Variants in MYH10 observed in about 807,000 individuals in gnomAD.
MYH10 encodes the protein myosin-10.
Under a neutral mutation model 257.8 loss-of-function variants are expected in MYH10, and 55 were observed. The observed-to-expected ratio is 0.21, with a 90% CI of 0.17 to 0.27. The LOEUF is 0.27. Among genes scored for constraint, MYH10 ranks in the 10% least tolerant of loss-of-function variants. The pLI is 1.00. For synonymous variants in MYH10, 854 were observed against 921.7 expected, an observed-to-expected ratio of 0.93 and a Z score of 1.33; for missense variants, 1,631 against 2,500.6, an observed-to-expected ratio of 0.65 and a Z score of 7.42.
At position 8,474,603 on chromosome 17, in the gene MYH10, A is replaced by G. The variant is rs1912202848; in HGVS notation, c.*1201T>C. 6.6e-6 allele frequency: 1 copy of G among 152,664 alleles called. No individual in the cohort carries two copies. The highest frequency in any genetic ancestry group is 2.4e-5 in the African/African-American group (1 of 41,466). 9.5% of individuals were successfully genotyped at this position (152,664 alleles called of 1,614,324 possible). On this transcript the variant is annotated 3_prime_UTR_variant, in exon 43 of 43. Transcript: ENST00000360416. Reference sequence around the variant, plus strand: ...AGGTACATGATATGAAGCACAGTCAAAACTGAATACATTAAATTGTTATAG... The same window carrying G: ...AGGTACATGATATGAAGCACAGTCAGAACTGAATACATTAAATTGTTATAG...
chr17:8,605,978 ATTT>A (rs899197441), intron 2 of MYH10, among the ~76,000 whole-genome samples: 3 of 151,522 alleles, frequency 2.0e-5, no homozygotes, highest in African/African-American at 7.3e-5. Flanking sequence ...AAATACAGGG[ATTT>A]TTTTTTCTTA....
Position 8,499,302 on chromosome 17 carries a change from C to T in MYH10, c.3919G>A (p.Val1307Met), listed in dbSNP as rs1917157686. Residue 1307 changes from valine (V) to methionine (M), a missense_variant, in exon 30 of 43, where the codon GTG becomes ATG. Around this residue, in one of 11 missense-constraint regions of MYH10, gnomAD observed 463 missense variants for 621.8 expected, o/e 0.74. Coordinates refer to ENST00000360416, the MANE Select transcript of MYH10 (RefSeq NM_001256012.3). ...AKVSEGDRLR[V>M]ELAEKASKLQ... is the part of the protein sequence containing the mutation. ...TTACTTGCTTTCTCCGCCAGCTCCA[C>T]CCTGAGCCTGTCGCCTTCAGAGACC... 2 of 1,614,002 alleles carry T rather than the reference C, an allele frequency of 1.2e-6. No homozygotes were observed. The highest frequency in any genetic ancestry group is 1.7e-5 in the Admixed American group (1 of 59,998).
At chr17:8,561,759 C>T (rs1430898877) in intron 7 of MYH10, among the ~76,000 whole-genome samples, 1 of 152,210 alleles carries the variant, frequency 6.6e-6, no homozygotes, top group East Asian at 1.9e-4. Context: ...CACCAACATG[C>T]AACACTCTAT....
At chr17:8,611,417 T>C (rs938563350) in intron 2 of MYH10, among the ~76,000 whole-genome samples, 6 of 152,208 alleles carry the variant, frequency 3.9e-5, no homozygotes, top group African/African-American at 1.4e-4. Flanking sequence ...TCCAAGATAA[T>C]ATCTGGAACC....
At position 8,595,185 on chromosome 17, in the gene MYH10, C is replaced by T. The variant is rs146008739; in HGVS notation, c.503-6077G>A. Reference sequence around the variant, plus strand: ...AGTGTGGATGACTATAGGACATTCTCGAAACGGCAGCACTAGTGTTTATTC... The same window carrying T: ...AGTGTGGATGACTATAGGACATTCTTGAAACGGCAGCACTAGTGTTTATTC... On this transcript the variant is annotated intron_variant, in intron 3 of 42. Transcript: ENST00000360416. Among the ~76,000 whole-genome samples the T allele has an allele frequency of 1.6e-3, 250 of 152,248 alleles. 1 individual carries two copies. The highest frequency in any genetic ancestry group is 6.8e-3 in the Middle Eastern group (2 of 294).
chr17:8,503,415 C>T (rs573565541), intron 28 of MYH10, among the ~76,000 whole-genome samples: 11 of 152,320 alleles, frequency 7.2e-5, no homozygotes, highest in African/African-American at 1.9e-4. Context: ...AACCTCTGTC[C>T]GGCTGCCATA....
At chr17:8,498,051 G>A (rs531717352) in intron 30 of MYH10, among the ~76,000 whole-genome samples, 7 of 128,234 alleles carry the variant, frequency 5.5e-5, no homozygotes, top group African/African-American at 1.2e-4. Flanking sequence ...GCGTGATCTC[G>A]GCTCACTGCA....
intron 30 of MYH10, among the ~76,000 whole-genome samples, chr17:8,495,835 G>C (rs990512556): frequency 6.6e-6 from 1 of 151,614 alleles, no homozygotes; most frequent in African/African-American, 2.4e-5. Flanking sequence ...TCAGCCTCCC[G>C]AGTGGCTGGG....
At chr17:8,561,395 C>A in intron 7 of MYH10, 1 of 1,067,500 alleles carries the variant, frequency 9.4e-7, no homozygotes, top group Non-Finnish European at 1.4e-6. Flanking sequence ...CATTCTGAAG[C>A]AAGTGTCTTC....
In MYH10 at chr17:8,552,945, G is replaced by C. The variant is rs2082684543; in HGVS notation, c.821-801C>G. On this transcript the variant is annotated intron_variant, in intron 8 of 42. Transcript: ENST00000360416. The surrounding 1 kb of genome is among the most constrained non-coding windows in gnomAD (Gnocchi z 4.8). ...TCTGGGGCTCAGATCCACAGTTCTT[G>C]ATGCTCCCGGAGTTCCTATGGGTTG... Among the ~76,000 whole-genome samples, 1 of 152,202 alleles carries C rather than the reference G, an allele frequency of 6.6e-6. No individual in the cohort carries two copies.
chr17:8,594,859 T>C (rs1027122474), intron 3 of MYH10, among the ~76,000 whole-genome samples: 6 of 152,208 alleles, frequency 3.9e-5, no homozygotes, highest in African/African-American at 1.4e-4. Flanking sequence ...GTTTAGGGAA[T>C]AATGAAAAGA....
intron 17 of MYH10, among the ~76,000 whole-genome samples, chr17:8,527,655 G>A (rs1024079027): frequency 6.6e-6 from 1 of 152,182 alleles, no homozygotes; most frequent in East Asian, 1.9e-4. Context: ...TGCAGCCACG[G>A]CAATGGCAAC....
In MYH10 at chr17:8,488,640, G is replaced by A. The variant is rs528024897; in HGVS notation, c.4885-1046C>T. Among the ~76,000 whole-genome samples the A allele has an allele frequency of 4.9e-4, 75 of 152,296 alleles. 1 individual carries two copies. The South Asian group carries it at 0.015, about 31-fold the overall frequency. On this transcript the variant is annotated intron_variant, in intron 35 of 42. Coordinates refer to ENST00000360416, the MANE Select transcript of MYH10 (RefSeq NM_001256012.3). ...GAGGATGATGGCTGGTGTGGGAGCT[G>A]GTATGGAGGCACCAAGGCTTGACGG... is the stretch of plus-strand genomic sequence containing the variant.
At chr17:8,571,867 A>G (rs780351573) in intron 6 of MYH10, among the ~76,000 whole-genome samples, 2 of 151,968 alleles carry the variant, frequency 1.3e-5, no homozygotes, top group Non-Finnish European at 2.9e-5. Context: ...TCCTATGACC[A>G]ATATCTTGCA....
intron 2 of MYH10, among the ~76,000 whole-genome samples, chr17:8,608,582 G>A (rs2084897636): frequency 6.6e-6 from 1 of 152,174 alleles, no homozygotes. Flanking sequence ...TGGAAATATT[G>A]GATTGCCAGA....
At chr17:8,537,364 G>C (rs926632818) in intron 14 of MYH10, among the ~76,000 whole-genome samples, 16 of 152,212 alleles carry the variant, frequency 1.1e-4, no homozygotes, top group Admixed American at 1.3e-4. Context: ...AGAGGCTATG[G>C]TTAAATATAA....
intron 21 of MYH10, among the ~76,000 whole-genome samples, chr17:8,518,104 C>CGTGT (rs58352961): frequency 0.1 from 11,851 of 116,490 alleles, 611 homozygotes; most frequent in African/African-American, 0.12. Context: ...CCCTTGGCCC[C>CGTGT]GTGTGTGTGT....
Position 8,530,553 on chromosome 17 carries a change from C to T in MYH10, c.1957+70G>A. The T allele has an allele frequency of 5.8e-6, 6 of 1,030,314 alleles. No homozygotes were observed. In the South Asian group the frequency reaches 6.9e-5, roughly 12 times the overall value. The allele number at this position is 1,030,314 out of a possible 1,614,324, so 63.8% of individuals were successfully genotyped here. A position where few individuals can be genotyped will look rare whatever the true frequency, so the allele number is the denominator to read the frequency against. ...GCCCTCCCCGGCCACCCTGCCAGTC[C>T]CCCCACACGTTTTTCCTGTGGGCTT... is the stretch of plus-strand genomic sequence containing the variant. On this transcript the variant is annotated intron_variant, in intron 17 of 42. Transcript: ENST00000360416.
chr17:8,503,100 T>C (rs1280563789), intron 28 of MYH10, among the ~76,000 whole-genome samples: 3 of 152,026 alleles, frequency 2.0e-5, no homozygotes, highest in Non-Finnish European at 4.4e-5. Context: ...CTGACTAACA[T>C]GGAGAAACCC....
Sources: allele counts gnomAD v4.1 joint callset (sites outside exome capture counted in the v4.1 genomes callset), GRCh38; gene constraint gnomAD v4.1.1; regional missense constraint gnomAD v4.1.1; non-coding constraint Gnocchi (gnomAD v3.1); transcripts MANE v1.5; gene names NCBI Gene and HGNC (gene_info 2026-07-23, HGNC 2026-07-21).